Variants in CLEC9A observed in about 807,000 individuals in gnomAD.
CLEC9A encodes the protein C-type lectin domain containing 9A.
Under a neutral mutation model 30.0 loss-of-function variants are expected in CLEC9A, and 24 were observed. The observed-to-expected ratio is 0.80, with a 90% CI of 0.58 to 1.13. CLEC9A has a LOEUF of 1.13. CLEC9A is among the 50% of genes most tolerant of loss of function. The pLI is 0.00. For synonymous variants in CLEC9A, 111 were observed against 96.8 expected, an observed-to-expected ratio of 1.15 and a Z score of -0.86; for missense variants, 251 against 280.9, an observed-to-expected ratio of 0.89 and a Z score of 0.76.
rs891617056 is a variant in CLEC9A at position 10,052,621 on chromosome 12, A to G, written c.-58-9A>G. The G allele has an allele frequency of 1.9e-6, 3 of 1,584,596 alleles. No homozygotes were observed. In the Admixed American group the frequency reaches 5.5e-5, roughly 29 times the overall value. ...TCAGTTCTTACACCAACCTGCTCCA[A>G]ACCACAAGAGGAGTTACTTGTTCCA... On this transcript the variant is annotated splice_polypyrimidine_tract_variant and intron_variant, in intron 3 of 8. Transcript: ENST00000355819.
At chr12:10,040,083 A>G (rs938583027) in intron 1 of CLEC9A, among the ~76,000 whole-genome samples, 5 of 152,206 alleles carry the variant, frequency 3.3e-5, no homozygotes, top group Non-Finnish European at 7.3e-5. Context: ...TCGGCCTCTC[A>G]AAGTTCTGGG....
intron 5 of CLEC9A, among the ~76,000 whole-genome samples, chr12:10,058,667 C>T (rs1287852519): frequency 6.6e-6 from 1 of 152,214 alleles, no homozygotes; most frequent in African/African-American, 2.4e-5. Flanking sequence ...GTCTCAGCTT[C>T]CTGAGTAGCT....
intron 2 of CLEC9A, among the ~76,000 whole-genome samples, chr12:10,042,108 G>A (rs1865802730): frequency 6.6e-6 from 1 of 152,162 alleles, no homozygotes; most frequent in Non-Finnish European, 1.5e-5. Context: ...ATTACTCTAG[G>A]CTGGTGCCAG....
intron 5 of CLEC9A, among the ~76,000 whole-genome samples, chr12:10,058,930 C>A (rs1360329919): frequency 1.3e-5 from 2 of 152,124 alleles, no homozygotes; most frequent in Admixed American, 6.6e-5. Context: ...CAGATTTGCC[C>A]ATTTGTTCTC....
chr12:10,061,002 C>G, intron 5 of CLEC9A, 125 bp from the exon 6 acceptor site: 2 of 1,200,506 alleles, frequency 1.7e-6, no homozygotes, highest in South Asian at 1.6e-5. Flanking sequence ...AAGCAAAAAC[C>G]TAAAATAATA....
At chr12:10,055,486 A>G (rs994212816) in intron 5 of CLEC9A, among the ~76,000 whole-genome samples, 2 of 152,172 alleles carry the variant, frequency 1.3e-5, no homozygotes, top group Non-Finnish European at 2.9e-5. Context: ...AATATCAAAA[A>G]ATATTCTTTA....
chr12:10,037,752 G>C (rs1865755816), intron 1 of CLEC9A, among the ~76,000 whole-genome samples: 1 of 152,118 alleles, frequency 6.6e-6, no homozygotes, highest in African/African-American at 2.4e-5. Flanking sequence ...TCAAGAACCT[G>C]CTTTAACTGC....
intron 1 of CLEC9A, among the ~76,000 whole-genome samples, chr12:10,037,938 CTTAAATG>C (rs1014232121): frequency 6.6e-6 from 1 of 151,796 alleles, no homozygotes; most frequent in Admixed American, 6.5e-5. Flanking sequence ...GGGAAGATGT[CTTAAATG>C]TTAAAAAAAA....
intron 5 of CLEC9A, among the ~76,000 whole-genome samples, chr12:10,054,879 A>C (rs1038773449): frequency 6.6e-6 from 1 of 152,222 alleles, no homozygotes; most frequent in Non-Finnish European, 1.5e-5. Flanking sequence ...AGAGCTTCAG[A>C]TTCCAGAAAA....
intron 1 of CLEC9A, among the ~76,000 whole-genome samples, chr12:10,038,937 G>A (rs146607998): frequency 9.5e-4 from 145 of 152,388 alleles, no homozygotes; most frequent in African/African-American, 2.2e-3. Flanking sequence ...GGATGGATGT[G>A]TGGTATGGGG....
intron 1 of CLEC9A, among the ~76,000 whole-genome samples, chr12:10,037,172 G>C (rs1181103825): frequency 2.6e-5 from 4 of 152,068 alleles, no homozygotes; most frequent in African/African-American, 4.8e-5. Flanking sequence ...AGTGGGTGTT[G>C]GTGGTCATAG....
intron 5 of CLEC9A, among the ~76,000 whole-genome samples, chr12:10,054,762 A>G (rs1865924780): frequency 6.6e-6 from 1 of 152,138 alleles, no homozygotes; most frequent in African/African-American, 2.4e-5. Flanking sequence ...TTTAATGCAA[A>G]CCTGAGAGCT....
At chr12:10,052,923 G>T in intron 4 of CLEC9A, 145 bp downstream of exon 4, 1 of 854,828 alleles carries the variant, frequency 1.2e-6, no homozygotes. Flanking sequence ...CTAATGAAGT[G>T]GAGAAGGATT....
chr12:10,031,660 C>T (rs777925743), intron 1 of CLEC9A, among the ~76,000 whole-genome samples: 2 of 152,114 alleles, frequency 1.3e-5, no homozygotes, highest in Non-Finnish European at 2.9e-5. Context: ...CAGTTAGTTA[C>T]ACCTGTAATC....
At chr12:10,054,954 T>C (rs1180317672) in intron 5 of CLEC9A, among the ~76,000 whole-genome samples, 2 of 152,224 alleles carry the variant, frequency 1.3e-5, no homozygotes, top group Non-Finnish European at 2.9e-5. Flanking sequence ...TTCTTTCTTA[T>C]ATGCCTTTGC....
chr12:10,044,042 TGA>T (rs764996533), intron 2 of CLEC9A, among the ~76,000 whole-genome samples: 3 of 152,212 alleles, frequency 2.0e-5, no homozygotes, highest in Non-Finnish European at 4.4e-5. Context: ...GTTGTAAACT[TGA>T]GAGTCTTTTG....
At chr12:10,033,887 A>T (rs1865722219) in intron 1 of CLEC9A, among the ~76,000 whole-genome samples, 1 of 152,216 alleles carries the variant, frequency 6.6e-6, no homozygotes, top group African/African-American at 2.4e-5. Flanking sequence ...CAAAAAAAGA[A>T]ATAGGGAAAA....
intron 2 of CLEC9A, among the ~76,000 whole-genome samples, chr12:10,047,266 C>G (rs1344282103): frequency 6.6e-6 from 1 of 152,132 alleles, no homozygotes; most frequent in Admixed American, 6.5e-5. Flanking sequence ...CAAAAATTAG[C>G]CATAACTTTG....
chr12:10,063,013 A>G, intron 6 of CLEC9A, 42 bp from the exon 7 acceptor site: 3 of 1,538,394 alleles, frequency 2.0e-6, no homozygotes, highest in Non-Finnish European at 1.7e-6. Context: ...TGTTGTTAAT[A>G]TTTTACAATA....
Sources: allele counts gnomAD v4.1 joint callset (sites outside exome capture counted in the v4.1 genomes callset), GRCh38; gene constraint gnomAD v4.1.1; transcripts MANE v1.5; gene names NCBI Gene and HGNC (gene_info 2026-07-23, HGNC 2026-07-21).